HSD17B7: variants seen among roughly 807,000 people sequenced by gnomAD.
The protein encoded by HSD17B7 is 3-keto-steroid reductase/17-beta-hydroxysteroid dehydrogenase 7.
In HSD17B7, 17 loss-of-function variants were observed where a neutral mutation model predicts 34.1. That is an observed-to-expected ratio of 0.50 (90% CI 0.34 to 0.75). The LOEUF (loss-of-function observed/expected upper bound fraction) is 0.75. Ranked by LOEUF, HSD17B7 falls within the 30% of genes least tolerant of loss-of-function variation. The pLI is 0.01. For missense variants in HSD17B7, 296 were observed against 406.6 expected (o/e 0.73, Z 2.34); for synonymous variants, 122 against 154.6 (o/e 0.79, Z 1.56).
intron 8 of HSD17B7, among the ~76,000 whole-genome samples, chr1:162,810,229 A>G (rs375278081): frequency 6.6e-6 from 1 of 151,538 alleles, no homozygotes. Flanking sequence ...TTCAGGAGCA[A>G]GTTGTTCAGT....
At chr1:162,807,261 A>G (rs1343203738) in intron 8 of HSD17B7, among the ~76,000 whole-genome samples, 2 of 152,136 alleles carry the variant, frequency 1.3e-5, no homozygotes, top group Non-Finnish European at 2.9e-5. Context: ...GCTGAGAATG[A>G]TGGTTTCCAG....
rs143305204 is a variant in HSD17B7 at position 162,809,222 on chromosome 1, A to T, written c.904-3076A>T. Among the ~76,000 whole-genome samples, 341 of 152,306 alleles carry T rather than the reference A, an allele frequency of 2.2e-3. 3 individuals are homozygous for T. Among genetic ancestry groups the T allele is most frequent in the African/African-American group, 7.8e-3 (326 of 41,558 alleles). ...AAAGGCCTTTTCTGCATCTGTTGAG[A>T]TAATCATTTGGTTTTTGTCTTTGGT... On this transcript the variant is annotated intron_variant, in intron 8 of 8. Transcript: ENST00000254521.
chr1:162,793,638 G>A (rs1470803651), intron 2 of HSD17B7, among the ~76,000 whole-genome samples: 1 of 152,210 alleles, frequency 6.6e-6, no homozygotes, highest in Non-Finnish European at 1.5e-5. Flanking sequence ...TAATTTGTAA[G>A]TACATCCTGA....
chr1:162,806,382 A>G (rs1279333916), intron 8 of HSD17B7, among the ~76,000 whole-genome samples: 1 of 152,174 alleles, frequency 6.6e-6, no homozygotes, highest in African/African-American at 2.4e-5. Flanking sequence ...CTATCTGTTC[A>G]CTAAAAGTGA....
intron 5 of HSD17B7, chr1:162,800,237 A>G: frequency 1.9e-6 from 1 of 531,126 alleles, no homozygotes; most frequent in South Asian, 1.5e-5. Flanking sequence ...TGTGTATGTC[A>G]TTAAATACCT....
chr1:162,798,030 T>A, intron 4 of HSD17B7, 114 bp downstream of exon 4: 24 of 1,402,808 alleles, frequency 1.7e-5, no homozygotes, highest in Non-Finnish European at 2.2e-5. Flanking sequence ...AATCTCATGT[T>A]TGAGTTTTCT....
intron 1 of HSD17B7, 85 bp from the exon 2 acceptor site, chr1:162,792,574 A>T: frequency 1.3e-6 from 2 of 1,522,856 alleles, no homozygotes; most frequent in Admixed American, 2.1e-5. Flanking sequence ...GGTCAACTTG[A>T]CACAGTTTTC....
chr1:162,800,365 A>G (rs999341244), intron 5 of HSD17B7: 7 of 438,470 alleles, frequency 1.6e-5, no homozygotes, highest in African/African-American at 6.0e-5. Context: ...AGAGCTCAGA[A>G]TTGAGCCCGA....
intron 2 of HSD17B7, among the ~76,000 whole-genome samples, chr1:162,793,920 A>G (rs985675900): frequency 6.7e-6 from 1 of 149,126 alleles, no homozygotes; most frequent in Non-Finnish European, 1.5e-5. Flanking sequence ...AGATTTGTTC[A>G]CACCTTCACA....
intron 7 of HSD17B7, 123 bp downstream of exon 7, chr1:162,804,446 A>G (rs11590943): frequency 0.32 from 206,204 of 653,922 alleles, 34,769 homozygotes; most frequent in Non-Finnish European, 0.36. Context: ...TGAATAATTG[A>G]GGTCCCGTTT....
rs946524499 is a variant in HSD17B7 at position 162,812,758 on chromosome 1, G to A, written c.*338G>A. 1 of 162,552 alleles carries A rather than the reference G, an allele frequency of 6.2e-6. No homozygotes were observed. The highest frequency in any genetic ancestry group is 1.3e-5 in the Non-Finnish European group (1 of 74,428). The allele number at this position is 162,552 out of a possible 1,614,324, so 10.1% of individuals were successfully genotyped here. A position where few individuals can be genotyped will look rare whatever the true frequency, so the allele number is the denominator to read the frequency against. On this transcript the variant is annotated 3_prime_UTR_variant, in exon 9 of 9. Transcript: ENST00000254521. ...ACATTGCATACCTTCTGTACATTCT[G>A]GGGTACATGGATTTCTACTGAGTTG... is the stretch of plus-strand genomic sequence containing the variant.
At chr1:162,793,052 GA>G in intron 2 of HSD17B7, 190 bp downstream of exon 2, 1 of 331,468 alleles carries the variant, frequency 3.0e-6, no homozygotes, top group South Asian at 2.4e-5. Flanking sequence ...TTTTTTTAAA[GA>G]GATGGAGTCT....
chr1:162,809,991 G>A (rs1250868931), intron 8 of HSD17B7, among the ~76,000 whole-genome samples: 1 of 151,984 alleles, frequency 6.6e-6, no homozygotes, highest in African/African-American at 2.4e-5. Context: ...CCTTCTGCTA[G>A]CTTTTGAATG....
At chr1:162,802,733 A>G (rs1293251964) in intron 5 of HSD17B7, among the ~76,000 whole-genome samples, 1 of 152,224 alleles carries the variant, frequency 6.6e-6, no homozygotes, top group Non-Finnish European at 1.5e-5. Flanking sequence ...ACAAATCCCA[A>G]TAAGAGGCAT....
intron 6 of HSD17B7, 56 bp downstream of exon 6, chr1:162,803,591 A>G: frequency 1.3e-6 from 2 of 1,577,054 alleles, no homozygotes; most frequent in East Asian, 2.3e-5. Context: ...TTTGGGACCT[A>G]GAAGATATGT....
chr1:162,801,042 C>T (rs1284404755), intron 5 of HSD17B7, among the ~76,000 whole-genome samples: 1 of 152,094 alleles, frequency 6.6e-6, no homozygotes, highest in Non-Finnish European at 1.5e-5. Flanking sequence ...TGCGGTGGCA[C>T]AATCATGGCT....
At chr1:162,799,663 C>T (rs1648738697) in intron 4 of HSD17B7, 80 bp from the exon 5 acceptor site, 2 of 862,538 alleles carry the variant, frequency 2.3e-6, no homozygotes, top group Non-Finnish European at 3.6e-6. Flanking sequence ...TAATCTCTTA[C>T]CATACAGTAC....
intron 8 of HSD17B7, 98 bp from the exon 9 acceptor site, chr1:162,812,200 T>C: frequency 7.0e-7 from 1 of 1,432,666 alleles, no homozygotes; most frequent in Non-Finnish European, 9.3e-7. Flanking sequence ...TGCTGCCTCC[T>C]TTCTTTTTAT....
Position 162,797,934 on chromosome 1 carries a change from T to A in HSD17B7, c.447+18T>A. 6.2e-7 allele frequency: 1 copy of A among 1,612,836 alleles called. No individual in the cohort carries two copies. The highest frequency in any genetic ancestry group is 8.5e-7 in the Non-Finnish European group (1 of 1,179,288). ...TTATCCTGGTAAAGAAGCTGTGGGC[T>A]TAATAAGCTAATATTTCGTGTGATA... On this transcript the variant is annotated intron_variant, in intron 4 of 8. Coordinates refer to ENST00000254521, the MANE Select transcript of HSD17B7 (RefSeq NM_016371.4).
Sources: gnomAD v4.1 joint callset for allele counts (sites outside exome capture counted in the v4.1 genomes callset) on GRCh38, gnomAD v4.1.1 for gene constraint, MANE v1.5 for transcripts, NCBI Gene and HGNC (gene_info 2026-07-23, HGNC 2026-07-21) for gene names.